Variants in TMEM117 observed in about 807,000 individuals in gnomAD.
TMEM117 encodes transmembrane protein 117.
In TMEM117, 27 loss-of-function variants were observed where a neutral mutation model predicts 52.4. The ratio of observed to expected loss-of-function variants is 0.51; its 90% CI spans 0.38 to 0.71. The LOEUF is 0.71. TMEM117 is among the 30% of genes least tolerant of loss of function. The probability of loss-of-function intolerance (pLI) is 0.00; values close to 1 mark genes in which losing one functional copy is unlikely to be tolerated. For synonymous variants in TMEM117, 215 were observed against 206.3 expected (o/e 1.04, Z -0.36); for missense variants, 556 against 630.5 (o/e 0.88, Z 1.26).
intron 6 of TMEM117, among the ~76,000 whole-genome samples, chr12:44,341,443 A>C (rs1249526531): frequency 6.6e-6 from 1 of 152,126 alleles, no homozygotes; most frequent in Non-Finnish European, 1.5e-5. Context: ...AAAAGACATG[A>C]TTTCATTCTT....
chr12:44,009,780 C>A, intron 3 of TMEM117: 1 of 271,566 alleles, frequency 3.7e-6, no homozygotes, highest in Non-Finnish European at 7.8e-6. Context: ...TTCACCAAGA[C>A]CAGAGCCTGT....
intron 4 of TMEM117, among the ~76,000 whole-genome samples, chr12:44,149,038 C>T (rs1330415590): frequency 6.6e-6 from 1 of 152,214 alleles, no homozygotes; most frequent in Non-Finnish European, 1.5e-5. Flanking sequence ...ACCACAGGGA[C>T]ACATGCTTGT....
At chr12:44,154,342 C>G (rs905737262) in intron 4 of TMEM117, among the ~76,000 whole-genome samples, 1 of 151,932 alleles carries the variant, frequency 6.6e-6, no homozygotes, top group Non-Finnish European at 1.5e-5. Flanking sequence ...CCACGTGGGC[C>G]GTGTTAAGAA....
At chr12:44,352,118 A>G (rs1368655994) in intron 6 of TMEM117, among the ~76,000 whole-genome samples, 3 of 151,924 alleles carry the variant, frequency 2.0e-5, no homozygotes, top group Non-Finnish European at 2.9e-5. Context: ...GGTAAGTAAA[A>G]GCTGTAAAAA....
At chr12:44,211,803 GC>G (rs1949648722) in intron 5 of TMEM117, among the ~76,000 whole-genome samples, 1 of 152,126 alleles carries the variant, frequency 6.6e-6, no homozygotes, top group African/African-American at 2.4e-5. Flanking sequence ...TTCTACATTG[GC>G]ATTTCTTCTT....
intron 3 of TMEM117, among the ~76,000 whole-genome samples, chr12:44,143,013 A>G (rs1333303447): frequency 6.6e-6 from 1 of 152,194 alleles, no homozygotes; most frequent in Non-Finnish European, 1.5e-5. Flanking sequence ...CAAATTTCAT[A>G]CTGCTTTATT....
intron 3 of TMEM117, among the ~76,000 whole-genome samples, chr12:44,032,661 A>G (rs1946650766): frequency 6.6e-6 from 1 of 152,214 alleles, no homozygotes; most frequent in Admixed American, 6.5e-5. Flanking sequence ...GGACAAGCTT[A>G]TTAAATGTTT....
chr12:43,910,003 C>G (rs1015850263), intron 2 of TMEM117, among the ~76,000 whole-genome samples: 2 of 131,834 alleles, frequency 1.5e-5, no homozygotes, highest in African/African-American at 5.3e-5. Flanking sequence ...ATGAGGCCAG[C>G]ATCATCCTGA....
At chr12:43,856,218 T>C (rs1227157290) in intron 2 of TMEM117, among the ~76,000 whole-genome samples, 1 of 152,212 alleles carries the variant, frequency 6.6e-6, no homozygotes, top group African/African-American at 2.4e-5. Flanking sequence ...AGAATATCTA[T>C]AGTTTTAAGC....
chr12:43,940,684 G>A (rs1945030148), intron 2 of TMEM117, among the ~76,000 whole-genome samples: 1 of 152,028 alleles, frequency 6.6e-6, no homozygotes, highest in Admixed American at 6.6e-5. Flanking sequence ...TAGGATTACA[G>A]GCGTGCACCA....
the TMEM117 span, chr12:43,806,156 G>A: frequency 6.5e-7 from 1 of 1,534,230 alleles, no homozygotes; most frequent in Non-Finnish European, 8.7e-7. Flanking sequence ...CGGTCCTGCA[G>A]CCCTCCCGGC....
In TMEM117 at chr12:43,969,602, A is replaced by G. The variant is rs138686363; in HGVS notation, c.410+25260A>G. Among the ~76,000 whole-genome samples, 496 of 152,098 alleles carry G rather than the reference A, an allele frequency of 3.3e-3. 2 individuals carry two copies. Among genetic ancestry groups the G allele is most frequent in the Admixed American group, 7.6e-3 (116 of 15,286 alleles). On this transcript the variant is annotated intron_variant, in intron 3 of 7. Transcript: ENST00000266534. ...TGGAGGCTTCTGGCATTCAACTTGTACTTCTTCCATTCTGTCATCTGGCAA... is the reference window on the plus strand; with the variant it reads ...TGGAGGCTTCTGGCATTCAACTTGTGCTTCTTCCATTCTGTCATCTGGCAA...
At chr12:44,329,866 A>G (rs1223953354) in intron 6 of TMEM117, among the ~76,000 whole-genome samples, 1 of 152,082 alleles carries the variant, frequency 6.6e-6, no homozygotes, top group Middle Eastern at 3.4e-3. Flanking sequence ...GCTAATTACT[A>G]TGTCTTTGTA....
intron 3 of TMEM117, among the ~76,000 whole-genome samples, chr12:44,067,108 A>G (rs375387320): frequency 0.053 from 8,026 of 152,256 alleles, 270 homozygotes; most frequent in South Asian, 0.085. Flanking sequence ...TGTTAGTTTT[A>G]TCATGAGACC....
chr12:44,238,578 G>A (rs1423857375), intron 5 of TMEM117, among the ~76,000 whole-genome samples: 1 of 152,020 alleles, frequency 6.6e-6, no homozygotes, highest in African/African-American at 2.4e-5. Flanking sequence ...AGACTGTTGT[G>A]TGCAATTATC....
chr12:43,878,155 T>A (rs1213846723), intron 2 of TMEM117, among the ~76,000 whole-genome samples: 1 of 152,040 alleles, frequency 6.6e-6, no homozygotes, highest in African/African-American at 2.4e-5. Context: ...TTCTGCAGCC[T>A]TAACAAACCA....
intron 4 of TMEM117, among the ~76,000 whole-genome samples, chr12:44,172,666 A>G (rs181324306): frequency 6.6e-6 from 1 of 152,270 alleles, no homozygotes; most frequent in African/African-American, 2.4e-5. Flanking sequence ...CACTGCCTCT[A>G]TTGTGTGCAT....
intron 2 of TMEM117, among the ~76,000 whole-genome samples, chr12:43,940,192 T>C (rs1037865350): frequency 1.3e-5 from 2 of 152,214 alleles, no homozygotes; most frequent in East Asian, 3.9e-4. Flanking sequence ...TTGTATTCTT[T>C]ATGAACCCAG....
intron 6 of TMEM117, among the ~76,000 whole-genome samples, chr12:44,334,817 G>C (rs1951319301): frequency 6.6e-6 from 1 of 151,936 alleles, no homozygotes; most frequent in African/African-American, 2.4e-5. Flanking sequence ...ATGAGTATCT[G>C]ATTCATGATC....
Sources: gnomAD v4.1 joint callset for allele counts (sites outside exome capture counted in the v4.1 genomes callset) on GRCh38, gnomAD v4.1.1 for gene constraint, MANE v1.5 for transcripts, NCBI Gene and HGNC (gene_info 2026-07-23, HGNC 2026-07-21) for gene names.